Variants in ZFYVE9 observed in about 807,000 individuals in gnomAD.
ZFYVE9 encodes the protein zinc finger FYVE-type containing 9, also known as zinc finger FYVE domain-containing protein 9.
Under a neutral mutation model 126.7 loss-of-function variants are expected in ZFYVE9, and 43 were observed. That is an observed-to-expected ratio of 0.34 (90% CI 0.27 to 0.44). ZFYVE9 has a LOEUF of 0.44. ZFYVE9 is among the 20% of genes least tolerant of loss of function. ZFYVE9 has a pLI of 1.00. For synonymous variants in ZFYVE9, 521 were observed against 597.4 expected (o/e 0.87, Z 1.87); for missense variants, 1,476 against 1,697.0 (o/e 0.87, Z 2.29).
intron 1 of ZFYVE9, among the ~76,000 whole-genome samples, chr1:52,196,157 T>G (rs1225236929): frequency 6.6e-6 from 1 of 152,152 alleles, no homozygotes; most frequent in African/African-American, 2.4e-5. Flanking sequence ...GAGCTCTAAC[T>G]TGGTAGACTT....
intron 10 of ZFYVE9, among the ~76,000 whole-genome samples, chr1:52,291,885 CAAAAAA>C (rs1171027696): frequency 6.8e-5 from 4 of 58,742 alleles, no homozygotes; most frequent in South Asian, 5.9e-4. Context: ...GACTCTGTCT[CAAAAAA>C]AAAAAAAAAA....
rs140764910 is a variant in ZFYVE9, at chr1:52,314,616, G to A, written c.3438+10691G>A. On this transcript the variant is annotated intron_variant, in intron 13 of 18. Coordinates refer to ENST00000287727, the MANE Select transcript of ZFYVE9 (RefSeq NM_004799.4). ...GTGGATCATCTGAGCTCAGGAGTTC[G>A]AGACCACCTAGGGCAACGTGGTGAA... Among the ~76,000 whole-genome samples the A allele has an allele frequency of 8.5e-5, 13 of 152,188 alleles. No homozygotes were observed. The South Asian group carries it at 1.2e-3, about 15-fold the overall frequency.
chr1:52,313,825 G>A (rs1233557090), intron 13 of ZFYVE9, among the ~76,000 whole-genome samples: 3 of 152,174 alleles, frequency 2.0e-5, no homozygotes, highest in Non-Finnish European at 2.9e-5. Flanking sequence ...GTGGCAACGG[G>A]ATGAAAAGTA....
At chr1:52,206,499 A>G (rs183626577) in intron 1 of ZFYVE9, among the ~76,000 whole-genome samples, 6 of 152,308 alleles carry the variant, frequency 3.9e-5, no homozygotes, top group Admixed American at 6.5e-5. Flanking sequence ...CTCCAGAGAA[A>G]CAGAACCAGA....
chr1:52,210,641 A>G (rs1166328383), intron 1 of ZFYVE9, among the ~76,000 whole-genome samples: 2 of 151,978 alleles, frequency 1.3e-5, no homozygotes, highest in Non-Finnish European at 2.9e-5. Flanking sequence ...GGGCTTACTT[A>G]ATTAGGTGGT....
chr1:52,219,794 TGTGTGTGTGG>T (rs1300483720), intron 2 of ZFYVE9, among the ~76,000 whole-genome samples: 2 of 147,716 alleles, frequency 1.4e-5, no homozygotes, highest in Non-Finnish European at 1.5e-5. Flanking sequence ...TGTGTGTGTG[TGTGTGTGTGG>T]CAGAGTCTTA....
intron 12 of ZFYVE9, among the ~76,000 whole-genome samples, chr1:52,300,162 C>G (rs143247345): frequency 6.6e-5 from 10 of 152,220 alleles, no homozygotes; most frequent in African/African-American, 2.2e-4. Context: ...CAGCATACTT[C>G]CACAGCCACT....
intron 1 of ZFYVE9, chr1:52,179,764 A>G (rs1473037114): frequency 4.6e-6 from 2 of 438,646 alleles, no homozygotes. Flanking sequence ...TTTAAAAAAG[A>G]GTGTTCCTGT....
intron 13 of ZFYVE9, among the ~76,000 whole-genome samples, chr1:52,309,409 G>A (rs1220622623): frequency 1.3e-5 from 2 of 152,198 alleles, no homozygotes; most frequent in East Asian, 3.8e-4. Flanking sequence ...AGCCCAGGAA[G>A]TCGAGACTGC....
At chr1:52,286,724 C>T (rs979011102) in intron 10 of ZFYVE9, among the ~76,000 whole-genome samples, 1 of 152,156 alleles carries the variant, frequency 6.6e-6, no homozygotes, top group South Asian at 2.1e-4. Context: ...GGTTGTTTCC[C>T]TATCTTACTC....
At chr1:52,223,913 A>G (rs1645146578) in intron 2 of ZFYVE9, among the ~76,000 whole-genome samples, 1 of 152,194 alleles carries the variant, frequency 6.6e-6, no homozygotes, top group Non-Finnish European at 1.5e-5. Flanking sequence ...CTTTCCTGAG[A>G]AGAGAATAAC....
intron 6 of ZFYVE9, among the ~76,000 whole-genome samples, chr1:52,267,731 T>C (rs538810468): frequency 1.3e-5 from 2 of 152,310 alleles, no homozygotes; most frequent in South Asian, 4.1e-4. Context: ...ATTCTCTTCA[T>C]TTGTTGTTTT....
intron 6 of ZFYVE9, 81 bp downstream of exon 6, chr1:52,266,912 G>T: frequency 1.5e-6 from 2 of 1,351,306 alleles, no homozygotes; most frequent in Non-Finnish European, 2.0e-6. Context: ...TACAGCACAA[G>T]TCTTAAAAAA....
At chr1:52,254,240 G>A (rs1569593221) in intron 4 of ZFYVE9, 2 of 310,744 alleles carry the variant, frequency 6.4e-6, no homozygotes, top group East Asian at 1.2e-4. Flanking sequence ...TCTTTAAATA[G>A]TATATCAGTT....
intron 10 of ZFYVE9, among the ~76,000 whole-genome samples, chr1:52,284,332 T>C (rs1238222578): frequency 1.3e-5 from 2 of 152,228 alleles, no homozygotes; most frequent in African/African-American, 4.8e-5. Context: ...GTGAAGAGAC[T>C]ACGGCTGTAG....
intron 3 of ZFYVE9, among the ~76,000 whole-genome samples, chr1:52,235,389 G>A (rs980469372): frequency 2.0e-5 from 3 of 152,204 alleles, no homozygotes; most frequent in East Asian, 1.9e-4. Context: ...TTTAATACCC[G>A]ATCATTTCTG....
intron 2 of ZFYVE9, among the ~76,000 whole-genome samples, chr1:52,222,726 C>A (rs1233430258): frequency 6.6e-6 from 1 of 152,324 alleles, no homozygotes; most frequent in Middle Eastern, 3.4e-3. Flanking sequence ...ATTGGAGGAA[C>A]CTGTAGCTTT....
chr1:52,290,430 G>A (rs1367176989), intron 10 of ZFYVE9, among the ~76,000 whole-genome samples: 4 of 152,162 alleles, frequency 2.6e-5, no homozygotes, highest in Non-Finnish European at 4.4e-5. Flanking sequence ...TAGAGTTACA[G>A]GAATGCTGTC....
chr1:52,160,102 T>G (rs1265666734), intron 1 of ZFYVE9, among the ~76,000 whole-genome samples: 2 of 152,194 alleles, frequency 1.3e-5, no homozygotes, highest in African/African-American at 4.8e-5. Flanking sequence ...GAATTATCCT[T>G]GTCCTTGATT....
Sources: allele counts gnomAD v4.1 joint callset (sites outside exome capture counted in the v4.1 genomes callset), GRCh38; gene constraint gnomAD v4.1.1; transcripts MANE v1.5; gene names NCBI Gene and HGNC (gene_info 2026-07-23, HGNC 2026-07-21).